Variants in C10orf53 observed in about 807,000 individuals in gnomAD.
C10orf53 encodes UPF0728 protein C10orf53.
Under a neutral mutation model 9.4 loss-of-function variants are expected in C10orf53, and 8 were observed. The observed-to-expected ratio is 0.85, with a 90% CI of 0.50 to 1.53. The LOEUF (loss-of-function observed/expected upper bound fraction) is 1.53. Ranked by LOEUF, C10orf53 falls within the 40% of genes most tolerant of loss-of-function variation. C10orf53 has a pLI of 0.00. For missense variants in C10orf53, 117 were observed against 117.8 expected (o/e 0.99, Z 0.03); for synonymous variants, 48 against 46.0 (o/e 1.04, Z -0.18).
chr10:49,683,225 T>A (rs1840496696), intron 1 of C10orf53, among the ~76,000 whole-genome samples: 1 of 152,240 alleles, frequency 6.6e-6, no homozygotes, highest in African/African-American at 2.4e-5. Context: ...GCCATCGCAG[T>A]AGGTGTGAAA....
downstream of C10orf53, among the ~76,000 whole-genome samples, chr10:49,698,933 G>A (rs1415125003): frequency 1.3e-5 from 2 of 152,168 alleles, no homozygotes; most frequent in Non-Finnish European, 2.9e-5. Context: ...GTGGGGAGCA[G>A]GCAGCTAGGC....
At chr10:49,689,990 G>C (rs1469676932) in intron 1 of C10orf53, among the ~76,000 whole-genome samples, 2 of 152,146 alleles carry the variant, frequency 1.3e-5, no homozygotes, top group Non-Finnish European at 2.9e-5. Context: ...GGGATGGGGA[G>C]CGCTGGGAAG....
Position 49,694,807 on chromosome 10 carries a change from T to A in C10orf53, c.*205T>A. 7.2e-7 allele frequency: 1 copy of A among 1,390,048 alleles called. No individual in the cohort carries two copies. The highest frequency in any genetic ancestry group is 9.3e-7 in the Non-Finnish European group (1 of 1,074,738). 86.1% of individuals were successfully genotyped at this position (1,390,048 alleles called of 1,614,324 possible). On this transcript the variant is annotated 3_prime_UTR_variant, in exon 3 of 3. Transcript: ENST00000374111. ...GCCCACAGAAATAATAAAAACCACA[T>A]CATTTATAACATGTCTCAATCTCAA...
intron 1 of C10orf53, among the ~76,000 whole-genome samples, chr10:49,685,188 A>G (rs1424525177): frequency 2.0e-5 from 3 of 151,796 alleles, no homozygotes; most frequent in African/African-American, 7.3e-5. Flanking sequence ...TTGACTTTTG[A>G]TTTTTGACTA....
At chr10:49,704,569 T>C (rs1212284664) in intron 2 of C10orf53, among the ~76,000 whole-genome samples, 2 of 151,992 alleles carry the variant, frequency 1.3e-5, no homozygotes, top group African/African-American at 4.8e-5. Context: ...GGTGAAACCC[T>C]GTCTCTACTA....
intron 1 of C10orf53, among the ~76,000 whole-genome samples, 166 bp from the exon 2 acceptor site, chr10:49,693,608 G>A (rs1203908486): frequency 6.6e-6 from 1 of 152,186 alleles, no homozygotes; most frequent in Non-Finnish European, 1.5e-5. Flanking sequence ...CAGCAAAGGT[G>A]AGGGCACCTG....
At position 49,693,649 on chromosome 10, in the gene C10orf53, C is replaced by T. The variant is rs1027690843; in HGVS notation, c.98-125C>T. The T allele has an allele frequency of 5.9e-6, 7 of 1,194,300 alleles. No homozygotes were observed. In the African/African-American group the frequency reaches 1.1e-4, roughly 18 times the overall value. 74.0% of individuals were successfully genotyped at this position (1,194,300 alleles called of 1,614,324 possible). ...AACACCCAGAAAGTGCCTACCAGGG[C>T]AGTTGAGTGATACCCATGAGCAACT... On this transcript the variant is annotated intron_variant, in intron 1 of 2. Coordinates refer to ENST00000374111, the MANE Select transcript of C10orf53 (RefSeq NM_001042427.3).
chr10:49,708,252 T>G, intron 2 of C10orf53: 1 of 1,490,372 alleles, frequency 6.7e-7, no homozygotes, highest in Non-Finnish European at 9.0e-7. Context: ...TTTGTATACC[T>G]GAAAAGTCCA....
chr10:49,689,017 A>C (rs1299407084), intron 1 of C10orf53, among the ~76,000 whole-genome samples: 1 of 152,166 alleles, frequency 6.6e-6, no homozygotes, highest in Non-Finnish European at 1.5e-5. Context: ...AAGGGGCAGG[A>C]GTTCTTTTCT....
At chr10:49,708,560 A>G in exon 3 of C10orf53, 2 of 1,614,232 alleles carry the variant, frequency 1.2e-6, no homozygotes, top group Non-Finnish European at 1.7e-6. Context: ...TGGGTTGGCC[A>G]GGCCTGGATC....
At chr10:49,681,259 G>A (rs1242624809) in intron 1 of C10orf53, among the ~76,000 whole-genome samples, 1 of 152,170 alleles carries the variant, frequency 6.6e-6, no homozygotes, top group African/African-American at 2.4e-5. Flanking sequence ...AGAAAGATGT[G>A]AGTCATTGAC....
chr10:49,699,830 A>C (rs1216104612), downstream of C10orf53, among the ~76,000 whole-genome samples: 1 of 152,218 alleles, frequency 6.6e-6, no homozygotes, highest in Non-Finnish European at 1.5e-5. Context: ...TGAGAAGCTA[A>C]GACCTAAAAA....
chr10:49,698,241 A>G (rs1840652674), downstream of C10orf53, among the ~76,000 whole-genome samples: 1 of 152,156 alleles, frequency 6.6e-6, no homozygotes. Flanking sequence ...AGTGAGCTAC[A>G]ATCACACCAC....
chr10:49,703,055 G>A (rs991476978), intron 2 of C10orf53, among the ~76,000 whole-genome samples: 31 of 152,080 alleles, frequency 2.0e-4, no homozygotes, highest in African/African-American at 6.7e-4. Context: ...GGGGGTCGCC[G>A]GGGGCCTCCC....
chr10:49,689,253 G>A (rs957665278), intron 1 of C10orf53, among the ~76,000 whole-genome samples: 1 of 152,174 alleles, frequency 6.6e-6, no homozygotes, highest in African/African-American at 2.4e-5. Flanking sequence ...CAGGGGCAGA[G>A]GGAGGAGAGA....
chr10:49,702,525 A>G (rs771696840), downstream of C10orf53, among the ~76,000 whole-genome samples: 8 of 152,142 alleles, frequency 5.3e-5, no homozygotes, highest in Admixed American at 1.3e-4. Context: ...CTGCCTGACT[A>G]TCCTCAAGCC....
chr10:49,709,232 T>C (rs1260075378), exon 3 of C10orf53: 5 of 152,528 alleles, frequency 3.3e-5, no homozygotes, highest in African/African-American at 1.2e-4. Context: ...AGACCTCAAC[T>C]CTAGGGCTTG....
downstream of C10orf53, among the ~76,000 whole-genome samples, chr10:49,701,499 C>T (rs900595382): frequency 7.2e-5 from 11 of 152,116 alleles, no homozygotes; most frequent in Admixed American, 2.0e-4. Flanking sequence ...ATTTTTCATA[C>T]GTTTTAAGTC....
Position 49,704,099 on chromosome 10 carries a change from C to A in C10orf53, c.218-4262C>A, listed in dbSNP as rs79539249. On this transcript the variant is annotated intron_variant, in intron 2 of 2. Transcript: ENST00000374112. The stretch of plus-strand genomic sequence containing the variant: ...AATAAAGAAAATCACAAACTTGAAA[C>A]CTTTCATAAACTTGGAAGAAAGAAG... Among the ~76,000 whole-genome samples the A allele has an allele frequency of 4.1e-3, 624 of 152,228 alleles. 6 individuals carry two copies. Among genetic ancestry groups the A allele is most frequent in the African/African-American group, 0.014 (570 of 41,536 alleles).
Sources: allele counts gnomAD v4.1 joint callset (sites outside exome capture counted in the v4.1 genomes callset), GRCh38; gene constraint gnomAD v4.1.1; transcripts MANE v1.5; gene names NCBI Gene and HGNC (gene_info 2026-07-23, HGNC 2026-07-21).